Variants in GRM8 observed in about 807,000 individuals in gnomAD.
GRM8 encodes the protein metabotropic glutamate receptor 8.
GRM8 carries 47 observed loss-of-function variants against 87.2 expected under a neutral mutation model. That is an observed-to-expected ratio of 0.54 (90% CI 0.43 to 0.69). GRM8 has a LOEUF of 0.69. Among genes scored for constraint, GRM8 ranks in the 30% least tolerant of loss-of-function variants. The pLI is 0.00. For synonymous variants in GRM8, 396 were observed against 404.5 expected (o/e 0.98, Z 0.25); for missense variants, 1,019 against 1,139.2 (o/e 0.89, Z 1.52).
At chr7:126,594,137 T>TG (rs546610027) in intron 8 of GRM8, among the ~76,000 whole-genome samples, 189 of 152,112 alleles carry the variant, frequency 1.2e-3, no homozygotes, top group Middle Eastern at 6.8e-3. Context: ...AAGCTGTTGG[T>TG]GGGAATGTAA....
chr7:127,015,782 A>T (rs17867119), intron 3 of GRM8, among the ~76,000 whole-genome samples: 1,672 of 152,226 alleles, frequency 0.011, 26 homozygotes, highest in African/African-American at 0.037. Context: ...TTCATTAGGG[A>T]GACATATATC....
Position 126,571,962 on chromosome 7 carries a change from C to T in GRM8, c.1494+37400G>A, listed in dbSNP as rs897559998. Among the ~76,000 whole-genome samples, 9 of 151,904 alleles carry T rather than the reference C, an allele frequency of 5.9e-5. No individual in the cohort carries two copies. The East Asian group carries it at 1.6e-3, about 26-fold the overall frequency. On this transcript the variant is annotated intron_variant, in intron 8 of 10. Coordinates refer to ENST00000339582, the MANE Select transcript of GRM8 (RefSeq NM_000845.3). ...TCACCATGTTGGGCCAGGCTGGTCT[C>T]GAACTCCTGACCTCGTGATCCTCCT... is the stretch of plus-strand genomic sequence containing the variant.
At chr7:126,646,001 CCTCT>C (rs1802998716) in intron 7 of GRM8, among the ~76,000 whole-genome samples, 1 of 152,128 alleles carries the variant, frequency 6.6e-6, no homozygotes, top group Non-Finnish European at 1.5e-5. Flanking sequence ...TCACCCCCTC[CCTCT>C]CTGTCTCTAG....
At chr7:127,250,188 T>A (rs779383605) in intron 1 of GRM8, among the ~76,000 whole-genome samples, 9 of 152,180 alleles carry the variant, frequency 5.9e-5, no homozygotes, top group Non-Finnish European at 1.0e-4. Context: ...TAAATACCAA[T>A]TAAACAAGCC....
At chr7:126,462,294 G>A (rs1327616438) in intron 9 of GRM8, among the ~76,000 whole-genome samples, 1 of 151,462 alleles carries the variant, frequency 6.6e-6, no homozygotes, top group Non-Finnish European at 1.5e-5. Context: ...AGTTATAATA[G>A]CTGTTTTATA....
chr7:127,037,818 C>T (rs776459553), intron 3 of GRM8, among the ~76,000 whole-genome samples: 5 of 147,776 alleles, frequency 3.4e-5, no homozygotes, highest in East Asian at 2.0e-4. Flanking sequence ...TGTGCATGCA[C>T]GTGCATGCGC....
intron 3 of GRM8, among the ~76,000 whole-genome samples, chr7:127,089,819 T>C (rs868027123): frequency 2.5e-4 from 38 of 152,184 alleles, no homozygotes; most frequent in Admixed American, 1.6e-3. Flanking sequence ...GGAAGTATCA[T>C]TGATGCTGAG....
chr7:126,600,491 CTG>C (rs910406678), intron 8 of GRM8, among the ~76,000 whole-genome samples: 1 of 152,040 alleles, frequency 6.6e-6, no homozygotes, highest in Admixed American at 6.6e-5. Context: ...TACTGATGCC[CTG>C]CCATGGACTA....
chr7:127,237,144 G>A (rs1798028087), intron 2 of GRM8, among the ~76,000 whole-genome samples: 1 of 152,230 alleles, frequency 6.6e-6, no homozygotes, highest in Non-Finnish European at 1.5e-5. Context: ...AAAGATCTCT[G>A]TAGCTGGGAG....
intron 3 of GRM8, among the ~76,000 whole-genome samples, chr7:126,964,211 C>T (rs1010716494): frequency 3.3e-5 from 5 of 152,142 alleles, no homozygotes; most frequent in African/African-American, 1.2e-4. Context: ...ACCATAAAAA[C>T]TCTAGAAGAA....
intron 9 of GRM8, among the ~76,000 whole-genome samples, chr7:126,476,944 C>A (rs1563050117): frequency 6.6e-6 from 1 of 152,000 alleles, no homozygotes; most frequent in Non-Finnish European, 1.5e-5. Flanking sequence ...CTTCCATATT[C>A]ATTGCAGCAT....
intron 7 of GRM8, among the ~76,000 whole-genome samples, chr7:126,640,885 C>G (rs1463019008): frequency 6.6e-6 from 1 of 151,894 alleles, no homozygotes; most frequent in Non-Finnish European, 1.5e-5. Flanking sequence ...CTTGCCATAT[C>G]AAACCCAAAA....
intron 7 of GRM8, among the ~76,000 whole-genome samples, chr7:126,734,977 A>G (rs1281952611): frequency 6.6e-6 from 1 of 152,070 alleles, no homozygotes; most frequent in Non-Finnish European, 1.5e-5. Flanking sequence ...TTGGTAGTAC[A>G]AAAGAAGAGA....
intron 3 of GRM8, among the ~76,000 whole-genome samples, chr7:127,019,183 T>C (rs557570461): frequency 6.6e-6 from 1 of 152,228 alleles, no homozygotes. Context: ...ACAATGAATG[T>C]GTTACCTTAT....
intron 7 of GRM8, among the ~76,000 whole-genome samples, chr7:126,717,369 A>T (rs922003177): frequency 6.6e-6 from 1 of 152,120 alleles, no homozygotes; most frequent in African/African-American, 2.4e-5. Flanking sequence ...TTCATGTAGC[A>T]TGCATGTGAG....
chr7:127,079,471 T>C (rs573980902), intron 3 of GRM8, among the ~76,000 whole-genome samples: 2 of 152,358 alleles, frequency 1.3e-5, no homozygotes, highest in African/African-American at 4.8e-5. Context: ...CTTCTAAGGA[T>C]AGATATTTCA....
chr7:126,648,889 G>T (rs1803476282), intron 7 of GRM8, among the ~76,000 whole-genome samples: 1 of 152,132 alleles, frequency 6.6e-6, no homozygotes, highest in South Asian at 2.1e-4. Flanking sequence ...TACTGGAGTA[G>T]TTATCTTTAC....
At chr7:127,125,271 C>T (rs1022874696) in intron 2 of GRM8, among the ~76,000 whole-genome samples, 1 of 151,976 alleles carries the variant, frequency 6.6e-6, no homozygotes, top group Non-Finnish European at 1.5e-5. Context: ...CAAAGATTGG[C>T]ATAAAGCTAG....
chr7:126,553,863 A>G (rs755072412), intron 8 of GRM8, among the ~76,000 whole-genome samples: 4 of 152,192 alleles, frequency 2.6e-5, no homozygotes, highest in Non-Finnish European at 4.4e-5. Flanking sequence ...ACACTTAAAC[A>G]TAAGAGGAAA....
Sources: gnomAD v4.1 joint callset for allele counts (sites outside exome capture counted in the v4.1 genomes callset) on GRCh38, gnomAD v4.1.1 for gene constraint, MANE v1.5 for transcripts, NCBI Gene and HGNC (gene_info 2026-07-23, HGNC 2026-07-21) for gene names.